TMEM74: variants seen among roughly 807,000 people sequenced by gnomAD.
TMEM74 encodes transmembrane protein 74.
Under a neutral mutation model 18.1 loss-of-function variants are expected in TMEM74, and 13 were observed. That is an observed-to-expected ratio of 0.72 (90% confidence interval 0.47 to 1.14). TMEM74 has a LOEUF of 1.14. Ranked by LOEUF, TMEM74 falls within the 50% of genes most tolerant of loss-of-function variation. The pLI, the probability that TMEM74 is intolerant of heterozygous loss-of-function variation, is 0.00. For missense variants in TMEM74, 372 were observed against 375.9 expected (o/e 0.99, Z 0.09); for synonymous variants, 159 against 146.6 (o/e 1.08, Z -0.61).
At chr8:108,702,342 C>T (rs529566314) in intron 1 of TMEM74, among the ~76,000 whole-genome samples, 171 of 75,324 alleles carry the variant, frequency 2.3e-3, no homozygotes, top group African/African-American at 9.2e-3. Context: ...GAGACTCCAT[C>T]TAAAAAAAAA....
chr8:108,756,427 C>T (rs1469120113), intron 1 of TMEM74, among the ~76,000 whole-genome samples: 4 of 151,260 alleles, frequency 2.6e-5, no homozygotes, highest in Non-Finnish European at 5.9e-5. Flanking sequence ...GTATAGTTAA[C>T]ACCACTGTCT....
At chr8:108,721,693 A>C (rs1167189731) in intron 1 of TMEM74, among the ~76,000 whole-genome samples, 4 of 152,234 alleles carry the variant, frequency 2.6e-5, no homozygotes, top group South Asian at 2.1e-4. Flanking sequence ...ACAGAATATA[A>C]ATTCCATGAA....
intron 2 of TMEM74, among the ~76,000 whole-genome samples, chr8:108,639,006 C>T (rs1221223088): frequency 6.6e-6 from 1 of 152,124 alleles, no homozygotes; most frequent in Non-Finnish European, 1.5e-5. Flanking sequence ...AACAGGCCAT[C>T]AGTCTCCTGG....
intron 1 of TMEM74, among the ~76,000 whole-genome samples, chr8:108,723,122 T>C (rs10087689): frequency 0.43 from 65,655 of 151,982 alleles, 16,913 homozygotes; most frequent in African/African-American, 0.71. Context: ...GGGAGCTCCA[T>C]GTGAGTGAGA....
intron 1 of TMEM74, among the ~76,000 whole-genome samples, chr8:108,663,165 G>A (rs755443605): frequency 1.1e-4 from 16 of 152,050 alleles, no homozygotes; most frequent in Non-Finnish European, 2.1e-4. Context: ...AGCCTGCAGA[G>A]GAAGAGAAAT....
At chr8:108,704,212 A>G (rs1196490534) in intron 1 of TMEM74, among the ~76,000 whole-genome samples, 1 of 152,218 alleles carries the variant, frequency 6.6e-6, no homozygotes, top group Non-Finnish European at 1.5e-5. Flanking sequence ...GCTTTCTATT[A>G]GGTTTCCTCC....
chr8:108,690,775 T>C (rs111630179), intron 1 of TMEM74, among the ~76,000 whole-genome samples: 4,471 of 152,142 alleles, frequency 0.029, 122 homozygotes, highest in African/African-American at 0.066. Context: ...GAGCTGAGAT[T>C]GTGCCATTGC....
At chr8:108,657,904 T>TATATATATATATA (rs1563742387) in intron 1 of TMEM74, among the ~76,000 whole-genome samples, 1 of 109,836 alleles carries the variant, frequency 9.1e-6, no homozygotes, top group Non-Finnish European at 1.9e-5. Flanking sequence ...ATATATATAT[T>TATATATATATATA]AATTACATAT....
rs1814305394 is a variant in TMEM74 at position 108,781,369 on chromosome 8, ACT to A, written c.*2810_*2811del. ...CCAAAGTACCTCTAGAGCCAAAAACACTCTTTGTCAGATTGGGAAAAACAGGA... is the reference window on the plus strand; with the variant it reads ...CCAAAGTACCTCTAGAGCCAAAAACACTTTGTCAGATTGGGAAAAACAGGA... On this transcript the variant is annotated 3_prime_UTR_variant, in exon 2 of 2. Transcript: ENST00000297459. 6.6e-6 allele frequency among the ~76,000 whole-genome samples: 1 copy of A among 151,846 alleles called. No homozygotes were observed. Among genetic ancestry groups the A allele is most frequent in the Admixed American group, 6.6e-5 (1 of 15,238 alleles).
In TMEM74 at chr8:108,659,254, A is replaced by AACACACACACACACACAAACAC. The variant is rs6150751; in HGVS notation, n.120-3818_120-3817insGTGTTTGTGTGTGTGTGTGTGT. On this transcript the variant is annotated intron_variant and non_coding_transcript_variant, in intron 1 of 3. Coordinates refer to the TMEM74 transcript ENST00000518838. ...GTGTGGCCTTTATAGATAGCCCACTAACACACACACACATACAGACACACA... is the reference window on the plus strand; with the variant it reads ...GTGTGGCCTTTATAGATAGCCCACTAACACACACACACACACAAACACACACACACACACATACAGACACACA... 8.7e-5 allele frequency among the ~76,000 whole-genome samples: 13 copies of AACACACACACACACACAAACAC among 149,850 alleles called. No individual in the cohort carries two copies. In the South Asian group the frequency reaches 1.5e-3, roughly 17 times the overall value.
At chr8:108,730,369 G>A (rs541278655) in intron 1 of TMEM74, among the ~76,000 whole-genome samples, 1 of 152,200 alleles carries the variant, frequency 6.6e-6, no homozygotes, top group African/African-American at 2.4e-5. Flanking sequence ...TTAAACAGTA[G>A]CAATTTGTTA....
chr8:108,701,277 C>G (rs1360445798), intron 1 of TMEM74, among the ~76,000 whole-genome samples: 2 of 151,796 alleles, frequency 1.3e-5, no homozygotes, highest in African/African-American at 4.8e-5. Context: ...TGTAAAAACC[C>G]CACTGCTAAC....
chr8:108,780,172 C>T lies in TMEM74; in HGVS notation c.*4009G>A, dbSNP rs1227502162. ...CTTGCTGTAATAGGTGAACCACTGGCAAAGGTTGTGAATCTTTTTTGTCAG... is the reference window on the plus strand; with the variant it reads ...CTTGCTGTAATAGGTGAACCACTGGTAAAGGTTGTGAATCTTTTTTGTCAG... On this transcript the variant is annotated 3_prime_UTR_variant, in exon 2 of 2. Coordinates refer to ENST00000297459, the MANE Select transcript of TMEM74 (RefSeq NM_153015.3). Among the ~76,000 whole-genome samples the T allele has an allele frequency of 6.6e-6, 1 of 152,122 alleles. No individual in the cohort carries two copies. The highest frequency in any genetic ancestry group is 6.5e-5 in the Admixed American group (1 of 15,268).
intron 1 of TMEM74, among the ~76,000 whole-genome samples, chr8:108,657,602 A>C (rs1209600612): frequency 6.6e-6 from 1 of 151,700 alleles, no homozygotes; most frequent in Non-Finnish European, 1.5e-5. Context: ...TCACCCCTGT[A>C]ATCCCAGCAC....
At chr8:108,623,941 T>C (rs1812468702) in intron 2 of TMEM74, among the ~76,000 whole-genome samples, 1 of 152,104 alleles carries the variant, frequency 6.6e-6, no homozygotes, top group Admixed American at 6.6e-5. Context: ...GTGGTGACTT[T>C]GAGAAACTGT....
rs954752928 is a variant in TMEM74 at position 108,778,982 on chromosome 8, A to G, written c.*5199T>C. Among the ~76,000 whole-genome samples the G allele has an allele frequency of 1.3e-5, 2 of 152,204 alleles. No individual in the cohort carries two copies. The highest frequency in any genetic ancestry group is 2.9e-5 in the Non-Finnish European group (2 of 68,028). ...AGAATGACAAACCTAAATTAGGGGT[A>G]AATATTCATTTTAATTTTTTTGGAC... On this transcript the variant is annotated 3_prime_UTR_variant, in exon 2 of 2. Coordinates refer to ENST00000297459, the MANE Select transcript of TMEM74 (RefSeq NM_153015.3).
At chr8:108,635,557 C>G (rs1233731854) in intron 2 of TMEM74, among the ~76,000 whole-genome samples, 1 of 152,032 alleles carries the variant, frequency 6.6e-6, no homozygotes, top group African/African-American at 2.4e-5. Context: ...TTTAAACACA[C>G]CTTTAGACCA....
chr8:108,728,356 AT>A (rs1813662014), intron 1 of TMEM74, among the ~76,000 whole-genome samples: 1 of 152,194 alleles, frequency 6.6e-6, no homozygotes, highest in Non-Finnish European at 1.5e-5. Flanking sequence ...AGCTTTAGAT[AT>A]CAAGAAGTCT....
intron 1 of TMEM74, among the ~76,000 whole-genome samples, chr8:108,697,195 G>C (rs1466636176): frequency 6.6e-6 from 1 of 152,114 alleles, no homozygotes; most frequent in Non-Finnish European, 1.5e-5. Flanking sequence ...AACTGCAATG[G>C]TCAGTGGATG....
Sources: gnomAD v4.1 joint callset for allele counts (sites outside exome capture counted in the v4.1 genomes callset) on GRCh38, gnomAD v4.1.1 for gene constraint, MANE v1.5 for transcripts, NCBI Gene and HGNC (gene_info 2026-07-23, HGNC 2026-07-21) for gene names.